The following PKN2 variants were observed in gnomAD, a reference collection of about 807,000 sequenced individuals.
PKN2 encodes the protein protein kinase N2.
Under a neutral mutation model 119.1 loss-of-function variants are expected in PKN2, and 38 were observed. That is an observed-to-expected ratio of 0.32 (90% CI 0.25 to 0.42). The LOEUF is 0.42. PKN2 is among the 10% of genes least tolerant of loss of function. The pLI, the probability that PKN2 is intolerant of heterozygous loss-of-function variation, is 1.00. For missense variants in PKN2, 850 were observed against 1,165.1 expected (o/e 0.73, Z 3.94); for synonymous variants, 390 against 384.9 (o/e 1.01, Z -0.15).
chr1:88,748,020 A>G (rs572332655), intron 2 of PKN2, among the ~76,000 whole-genome samples: 20 of 152,158 alleles, frequency 1.3e-4, no homozygotes, highest in African/African-American at 4.8e-4. Context: ...GCACTCCTGG[A>G]TTTGTTTCCT....
chr1:88,755,916 C>CT (rs545204853), intron 2 of PKN2, among the ~76,000 whole-genome samples: 313 of 143,062 alleles, frequency 2.2e-3, no homozygotes, highest in Non-Finnish European at 2.6e-3. Context: ...ATTGGTATAT[C>CT]TTTTTTTTTT....
At chr1:88,817,647 T>C (rs1321036891) in intron 16 of PKN2, among the ~76,000 whole-genome samples, 1 of 142,678 alleles carries the variant, frequency 7.0e-6, no homozygotes, top group Non-Finnish European at 1.5e-5. Context: ...AGGCAGAGGT[T>C]GCAGTAAGCC....
chr1:88,826,411 G>A (rs1672501585), intron 18 of PKN2, among the ~76,000 whole-genome samples: 1 of 151,386 alleles, frequency 6.6e-6, no homozygotes, highest in Admixed American at 6.6e-5. Flanking sequence ...TTTTTTTGGA[G>A]GAAATATTTT....
In PKN2 at chr1:88,804,819, T is replaced by C. The variant is rs766892183; in HGVS notation, c.1426-27T>C. The C allele has an allele frequency of 4.0e-6, 5 of 1,237,424 alleles. No individual in the cohort carries two copies. In the East Asian group the frequency reaches 1.2e-4, roughly 29 times the overall value. 76.7% of individuals were successfully genotyped at this position (1,237,424 alleles called of 1,614,324 possible). On this transcript the variant is annotated intron_variant, in intron 9 of 21. Transcript: ENST00000370521. ...GATTTCATGAACCATGCTATTTTCA[T>C]GTCAACTTGAATTTTCTTCACTGCA...
At chr1:88,762,227 T>C (rs1045837837) in intron 3 of PKN2, among the ~76,000 whole-genome samples, 1 of 152,326 alleles carries the variant, frequency 6.6e-6, no homozygotes, top group Admixed American at 6.5e-5. Context: ...GTAAAACAAA[T>C]AGATAACCTA....
chr1:88,832,801 G>A lies in PKN2; in HGVS notation c.2620G>A (p.Val874Ile). 1.2e-6 allele frequency: 2 copies of A among 1,603,252 alleles called. No homozygotes were observed. The highest frequency in any genetic ancestry group is 2.2e-5 in the East Asian group (1 of 44,650). ...TTTTGACAGTATTGTAAATGATGAA[G>A]TAAGGTATCCAAGGTTCTTATCTAC... ...EVFDSIVNDE[V>I]RYPRFLSTEA... The change falls in exon 20 of 22, where the codon GTA (valine) becomes ATA (isoleucine). Residue 874 changes from valine (V) to isoleucine (I), a missense_variant. Coordinates refer to ENST00000370521, the MANE Select transcript of PKN2 (RefSeq NM_006256.4).
chr1:88,779,246 T>C (rs1383587289), intron 6 of PKN2, among the ~76,000 whole-genome samples: 1 of 152,160 alleles, frequency 6.6e-6, no homozygotes, highest in Non-Finnish European at 1.5e-5. Flanking sequence ...CTCCGGAGTG[T>C]CCCTTGCTTT....
intron 2 of PKN2, among the ~76,000 whole-genome samples, chr1:88,741,587 A>G (rs976931769): frequency 5.3e-5 from 8 of 152,134 alleles, no homozygotes; most frequent in Admixed American, 5.2e-4. Context: ...TGAGTCAATC[A>G]CATGCTTTTA....
chr1:88,746,567 CAT>C (rs993218728), intron 2 of PKN2, among the ~76,000 whole-genome samples: 22 of 152,128 alleles, frequency 1.4e-4, no homozygotes, highest in African/African-American at 5.1e-4. Flanking sequence ...GATACCACCT[CAT>C]GTGTATTAGA....
chr1:88,785,812 CACAA>C (rs763506130), intron 7 of PKN2, among the ~76,000 whole-genome samples: 14 of 152,162 alleles, frequency 9.2e-5, no homozygotes, highest in South Asian at 4.1e-4. Context: ...TTGATATTCA[CACAA>C]ACAGTGTGGC....
At chr1:88,706,785 C>T (rs1458122439) in intron 1 of PKN2, among the ~76,000 whole-genome samples, 1 of 152,078 alleles carries the variant, frequency 6.6e-6, no homozygotes, top group African/African-American at 2.4e-5. Flanking sequence ...TTTTCATTTT[C>T]ATTCAGTTCA....
At chr1:88,686,928 T>G (rs1417092013) in intron 1 of PKN2, among the ~76,000 whole-genome samples, 1 of 152,128 alleles carries the variant, frequency 6.6e-6, no homozygotes, top group African/African-American at 2.4e-5. Flanking sequence ...TTTAAGTATT[T>G]AAGAAGTTTT....
intron 1 of PKN2, among the ~76,000 whole-genome samples, chr1:88,691,238 A>AT (rs933875944): frequency 6.6e-6 from 1 of 151,444 alleles, no homozygotes; most frequent in African/African-American, 2.4e-5. Context: ...TGATTTTTAT[A>AT]TTTTTTTGGA....
chr1:88,831,253 AAGATACTACAT>A (rs1002161351), intron 19 of PKN2, among the ~76,000 whole-genome samples: 41 of 151,898 alleles, frequency 2.7e-4, no homozygotes, highest in African/African-American at 8.7e-4. Context: ...TTGCAGAAAA[AAGATACTACAT>A]ATTTTAACAA....
At chr1:88,800,918 T>G (rs1390222247) in intron 8 of PKN2, among the ~76,000 whole-genome samples, 1 of 152,214 alleles carries the variant, frequency 6.6e-6, no homozygotes, top group African/African-American at 2.4e-5. Flanking sequence ...GTTGGGACAG[T>G]ACCTATCTCA....
At chr1:88,736,669 A>G (rs1055994037) in intron 1 of PKN2, among the ~76,000 whole-genome samples, 3 of 152,150 alleles carry the variant, frequency 2.0e-5, no homozygotes, top group Non-Finnish European at 4.4e-5. Context: ...AATATTCTTC[A>G]TGCCTTTGGC....
intron 3 of PKN2, among the ~76,000 whole-genome samples, chr1:88,763,700 G>GT (rs1185761427): frequency 6.6e-6 from 1 of 151,770 alleles, no homozygotes; most frequent in Non-Finnish European, 1.5e-5. Flanking sequence ...AGTTTAAGTA[G>GT]TTTTTTGCAG....
At chr1:88,829,027 A>G (rs1317223790) in intron 19 of PKN2, 1 of 644,988 alleles carries the variant, frequency 1.6e-6, no homozygotes, top group Non-Finnish European at 3.0e-6. Flanking sequence ...TCTGAGCAAC[A>G]CACTCTGCAT....
chr1:88,800,398 C>T (rs113135024), intron 8 of PKN2, among the ~76,000 whole-genome samples: 1,897 of 152,248 alleles, frequency 0.012, 18 homozygotes, highest in Non-Finnish European at 0.019. Context: ...TATATAACTT[C>T]CCACATCTTG....
Sources: allele counts gnomAD v4.1 joint callset (sites outside exome capture counted in the v4.1 genomes callset), GRCh38; gene constraint gnomAD v4.1.1; transcripts MANE v1.5; gene names NCBI Gene and HGNC (gene_info 2026-07-23, HGNC 2026-07-21).